The following CALN1 variants were observed in gnomAD, a reference collection of about 807,000 sequenced individuals.
The protein encoded by CALN1 is calneuron 1, also known as calcium-binding protein 8.
A neutral mutation model predicts 30.6 loss-of-function variants in CALN1; 17 were observed. The ratio of observed to expected loss-of-function variants is 0.56; its 90% confidence interval spans 0.38 to 0.83. CALN1 has a LOEUF of 0.83. CALN1 is among the 40% of genes least tolerant of loss of function. The pLI is 0.00. For missense variants in CALN1, 291 were observed against 354.9 expected, an observed-to-expected ratio of 0.82 and a Z score of 1.45; for synonymous variants, 156 against 131.4, an observed-to-expected ratio of 1.19 and a Z score of -1.28.
intron 2 of CALN1, 38 bp downstream of exon 2, chr7:72,403,213 A>T: frequency 6.6e-7 from 1 of 1,512,972 alleles, no homozygotes; most frequent in Non-Finnish European, 8.9e-7. Context: ...GGGCTGCCAA[A>T]CAATCTAGGT....
chr7:72,197,178 C>CTTTTTTTTTTT lies in CALN1; in HGVS notation c.244+81497_244+81507dup, dbSNP rs386410439. 1.4e-4 allele frequency among the ~76,000 whole-genome samples: 9 copies of CTTTTTTTTTTT among 64,212 alleles called. 1 individual carries two copies. Among genetic ancestry groups the CTTTTTTTTTTT allele is most frequent in the Non-Finnish European group, 1.9e-4 (7 of 37,608 alleles). The allele number at this position is 64,212 out of a possible 152,430, so 42.1% of individuals were successfully genotyped here. On this transcript the variant is annotated intron_variant, in intron 3 of 6. Coordinates refer to ENST00000395275, the MANE Select transcript of CALN1 (RefSeq NM_031468.4). ...TTTTCATTGTCAAATGGAAGGTTTG[C>CTTTTTTTTTTT]TTTTTTTTTTTTTTTTTTTTTTTTG...
intron 3 of CALN1, 73 bp downstream of exon 3, chr7:72,278,613 A>G (rs1242075620): frequency 1.3e-6 from 2 of 1,578,968 alleles, no homozygotes; most frequent in Non-Finnish European, 1.7e-6. Flanking sequence ...AGGGCTTTCA[A>G]TTGAGCTTCA....
At chr7:72,144,885 G>A (rs368276958) in intron 3 of CALN1, among the ~76,000 whole-genome samples, 10 of 152,128 alleles carry the variant, frequency 6.6e-5, no homozygotes, top group African/African-American at 2.4e-4. Context: ...GGTTCATAAC[G>A]GAATGAAGGC....
At chr7:71,835,987 G>A (rs1213048948) in intron 5 of CALN1, among the ~76,000 whole-genome samples, 3 of 152,186 alleles carry the variant, frequency 2.0e-5, no homozygotes, top group African/African-American at 7.2e-5. Flanking sequence ...CTTGCTTTGG[G>A]CAATGAGGTG....
intron 2 of CALN1, among the ~76,000 whole-genome samples, chr7:72,340,774 T>C (rs1289351338): frequency 6.6e-6 from 1 of 152,190 alleles, no homozygotes; most frequent in African/African-American, 2.4e-5. Flanking sequence ...TGGTGGGAGA[T>C]AATTGAACCA....
chr7:72,147,326 A>G (rs1038814089), intron 3 of CALN1, among the ~76,000 whole-genome samples: 2 of 152,060 alleles, frequency 1.3e-5, no homozygotes, highest in African/African-American at 4.8e-5. Context: ...ACACTTCTCA[A>G]AAGAAGACAT....
chr7:72,487,846 AAAAG>A, the CALN1 span, among the ~76,000 whole-genome samples: 20 of 108,266 alleles, frequency 1.8e-4, no homozygotes, highest in South Asian at 6.7e-4. Context: ...GAGAGAAAGA[AAAAG>A]AAAGAGAAAG....
intron 3 of CALN1, among the ~76,000 whole-genome samples, chr7:72,275,328 G>A (rs1280738273): frequency 1.3e-5 from 2 of 152,052 alleles, no homozygotes; most frequent in African/African-American, 4.8e-5. Flanking sequence ...CAGCCCAAGA[G>A]AACAGCAAGC....
chr7:71,994,758 G>T (rs907410128), intron 5 of CALN1, among the ~76,000 whole-genome samples: 1 of 152,238 alleles, frequency 6.6e-6, no homozygotes. Flanking sequence ...AGTAGCTTAA[G>T]GAGGTGGTGT....
At chr7:72,287,307 C>A (rs1454744929) in intron 2 of CALN1, among the ~76,000 whole-genome samples, 2 of 152,014 alleles carry the variant, frequency 1.3e-5, no homozygotes, top group Non-Finnish European at 2.9e-5. Flanking sequence ...TATATTGTAT[C>A]ATTGCTGTGC....
intron 2 of CALN1, among the ~76,000 whole-genome samples, chr7:72,350,710 T>A (rs1323881857): frequency 2.6e-5 from 4 of 152,082 alleles, no homozygotes. Context: ...AAATAATCTG[T>A]ACACTAAATC....
Position 72,177,931 on chromosome 7 carries a change from T to C in CALN1, c.245-71637A>G, listed in dbSNP as rs184705097. ...ACCCGGTGCTGATCCAGGGCAACAA[T>C]AAAAGAACTCACTCTGGTCCAACCA... On this transcript the variant is annotated intron_variant, in intron 3 of 6. Transcript: ENST00000395275. 1.4e-3 allele frequency among the ~76,000 whole-genome samples: 208 copies of C among 152,178 alleles called. 1 individual carries two copies. The highest frequency in any genetic ancestry group is 4.7e-3 in the African/African-American group (196 of 41,548).
At chr7:72,226,125 G>C (rs1793658497) in intron 3 of CALN1, among the ~76,000 whole-genome samples, 1 of 151,332 alleles carries the variant, frequency 6.6e-6, no homozygotes. Context: ...GCCGGGCATG[G>C]TGGTGCACGC....
chr7:71,861,345 G>A (rs1791266020), intron 5 of CALN1, among the ~76,000 whole-genome samples: 1 of 152,054 alleles, frequency 6.6e-6, no homozygotes, highest in Admixed American at 6.6e-5. Flanking sequence ...TTTTGAATTG[G>A]TCTCTTCACT....
chr7:72,229,638 C>G (rs893387841), intron 3 of CALN1, among the ~76,000 whole-genome samples: 14 of 151,880 alleles, frequency 9.2e-5, no homozygotes, highest in African/African-American at 3.4e-4. Flanking sequence ...TGCAGGGACA[C>G]AGATGAAGCT....
At chr7:72,458,267 T>C in the CALN1 span, among the ~76,000 whole-genome samples, 1 of 66,884 alleles carries the variant, frequency 1.5e-5, no homozygotes, top group Non-Finnish European at 2.3e-5. Context: ...TAATATATTC[T>C]ATATTATATA....
intron 3 of CALN1, among the ~76,000 whole-genome samples, chr7:72,234,493 CTGGAATGCCA>C (rs1217998456): frequency 1.3e-5 from 2 of 152,018 alleles, no homozygotes; most frequent in African/African-American, 4.8e-5. Context: ...GTCACCGAGG[CTGGAATGCCA>C]TGGCGCGATC....
rs180902715 is a variant in CALN1, at chr7:72,197,937, G to A, written c.244+80749C>T. On this transcript the variant is annotated intron_variant, in intron 3 of 6. Coordinates refer to ENST00000395275, the MANE Select transcript of CALN1 (RefSeq NM_031468.4). ...TGGCCTGCAGAGTTTCTGCATTGAG[G>A]AATTTAAGACACCTTTCTTCGTGGT... 1.6e-3 allele frequency among the ~76,000 whole-genome samples: 251 copies of A among 152,124 alleles called. 1 individual carries two copies. Among genetic ancestry groups the A allele is most frequent in the Middle Eastern group, 6.8e-3 (2 of 294 alleles).
At chr7:72,205,725 T>A (rs1284317314) in intron 3 of CALN1, among the ~76,000 whole-genome samples, 1 of 151,246 alleles carries the variant, frequency 6.6e-6, no homozygotes, top group African/African-American at 2.4e-5. Context: ...CTTATGACTT[T>A]GGGGTTAAAC....
Sources: gnomAD v4.1 joint callset for allele counts (sites outside exome capture counted in the v4.1 genomes callset) on GRCh38, gnomAD v4.1.1 for gene constraint, MANE v1.5 for transcripts, NCBI Gene and HGNC (gene_info 2026-07-23, HGNC 2026-07-21) for gene names.